Variants in TFCP2 observed in about 807,000 individuals in gnomAD.
TFCP2 encodes the protein alpha-globin transcription factor CP2.
TFCP2 carries 33 observed loss-of-function variants against 73.4 expected under a neutral mutation model. That is an observed-to-expected ratio of 0.45 (90% CI 0.34 to 0.60). The LOEUF is 0.60. TFCP2 is among the 20% of genes least tolerant of loss of function. The pLI, the probability that TFCP2 is intolerant of heterozygous loss-of-function variation, is 0.01. For synonymous variants in TFCP2, 193 were observed against 211.6 expected, an observed-to-expected ratio of 0.91 and a Z score of 0.76; for missense variants, 352 against 604.0, an observed-to-expected ratio of 0.58 and a Z score of 4.37.
intron 6 of TFCP2, among the ~76,000 whole-genome samples, chr12:51,107,943 A>C (rs1940293795): frequency 6.6e-6 from 1 of 151,638 alleles, no homozygotes; most frequent in Admixed American, 6.6e-5. Flanking sequence ...TTATGTGTCA[A>C]AGAAAATATG....
chr12:51,117,520 A>G, intron 3 of TFCP2, 151 bp downstream of exon 3: 2 of 619,586 alleles, frequency 3.2e-6, no homozygotes, highest in Non-Finnish European at 5.6e-6. Context: ...GAAATAACAC[A>G]TCAGCTTACT....
chr12:51,164,862 A>G (rs1941721265), intron 1 of TFCP2, among the ~76,000 whole-genome samples: 1 of 152,194 alleles, frequency 6.6e-6, no homozygotes, highest in Non-Finnish European at 1.5e-5. Context: ...AACCTATAAT[A>G]AGAGATTGAA....
At chr12:51,095,866 A>C (rs376486405) in intron 14 of TFCP2, 123 bp downstream of exon 14, 1 of 584,974 alleles carries the variant, frequency 1.7e-6, no homozygotes, top group South Asian at 3.1e-5. Context: ...AATCTCTAAT[A>C]TTGTCACTTT....
At chr12:51,143,491 A>T (rs1040472967) in intron 1 of TFCP2, among the ~76,000 whole-genome samples, 17 of 151,804 alleles carry the variant, frequency 1.1e-4, no homozygotes, top group African/African-American at 4.1e-4. Context: ...ATAGAAATTT[A>T]GAGGACAGGC....
intron 1 of TFCP2, among the ~76,000 whole-genome samples, chr12:51,157,681 C>CTTTTTTTTTT (rs770963610): frequency 1.8e-4 from 14 of 77,286 alleles, no homozygotes; most frequent in Non-Finnish European, 2.9e-4. Flanking sequence ...TTTTTCTTTT[C>CTTTTTTTTTT]TTTTCTTTTT....
At chr12:51,151,423 A>G (rs182652307) in intron 1 of TFCP2, among the ~76,000 whole-genome samples, 4 of 152,242 alleles carry the variant, frequency 2.6e-5, no homozygotes, top group East Asian at 3.9e-4. Context: ...GACAGTATTA[A>G]TAAGACCTAA....
chr12:51,103,821 G>A, intron 9 of TFCP2, 58 bp from the exon 10 acceptor site: 1 of 1,388,300 alleles, frequency 7.2e-7, no homozygotes, highest in East Asian at 2.3e-5. Context: ...TACCCCATTA[G>A]GTAACACATA....
At chr12:51,171,729 C>A (rs886289043) in intron 1 of TFCP2, among the ~76,000 whole-genome samples, 1 of 152,182 alleles carries the variant, frequency 6.6e-6, no homozygotes, top group Non-Finnish European at 1.5e-5. Context: ...CATAAAGATC[C>A]AGAAGCATCT....
intron 1 of TFCP2, among the ~76,000 whole-genome samples, chr12:51,168,180 G>A (rs1315139598): frequency 6.6e-6 from 1 of 152,116 alleles, no homozygotes; most frequent in Non-Finnish European, 1.5e-5. Context: ...AGAACTGTTT[G>A]AGCCCAGGAG....
chr12:51,107,387 CT>C, intron 6 of TFCP2, 41 bp from the exon 7 acceptor site: 1 of 1,531,684 alleles, frequency 6.5e-7, no homozygotes, highest in Admixed American at 1.9e-5. Context: ...AGGTACTCAC[CT>C]TTTAACCCAA....
chr12:51,149,520 G>T (rs1941376357), intron 1 of TFCP2, among the ~76,000 whole-genome samples: 1 of 152,130 alleles, frequency 6.6e-6, no homozygotes, highest in African/African-American at 2.4e-5. Flanking sequence ...GAAAATTTAT[G>T]AACTTACAGT....
chr12:51,106,253 A>C (rs904734352), intron 8 of TFCP2, among the ~76,000 whole-genome samples: 1 of 152,212 alleles, frequency 6.6e-6, no homozygotes, highest in Non-Finnish European at 1.5e-5. Context: ...TCAGTCCCTG[A>C]ACCACTAAAA....
At chr12:51,120,463 T>C (rs1940640096) in intron 1 of TFCP2, among the ~76,000 whole-genome samples, 1 of 152,114 alleles carries the variant, frequency 6.6e-6, no homozygotes, top group African/African-American at 2.4e-5. Flanking sequence ...GGGCAGGGGA[T>C]GACTTGGAAG....
chr12:51,126,652 GAAA>G (rs1220350121), intron 1 of TFCP2, among the ~76,000 whole-genome samples: 1 of 152,128 alleles, frequency 6.6e-6, no homozygotes, highest in African/African-American at 2.4e-5. Flanking sequence ...AAGGAACTTA[GAAA>G]CTAACTTGGG....
chr12:51,153,303 G>C (rs1460736031), intron 1 of TFCP2, among the ~76,000 whole-genome samples: 1 of 152,164 alleles, frequency 6.6e-6, no homozygotes, highest in African/African-American at 2.4e-5. Flanking sequence ...TTGGGCCCAG[G>C]AGTTTGAGGT....
At chr12:51,166,730 G>A (rs1005141459) in intron 1 of TFCP2, among the ~76,000 whole-genome samples, 4 of 152,002 alleles carry the variant, frequency 2.6e-5, no homozygotes, top group Non-Finnish European at 4.4e-5. Flanking sequence ...ACCACCCTGC[G>A]TCCTACCCCA....
Position 51,110,090 on chromosome 12 carries a change from A to T in TFCP2, c.564+787T>A, listed in dbSNP as rs777355347. ...GATTATAGCTGAAAGTCTTAAAATC[A>T]TATATATAAAGTGTTTACTTAACAT... is the stretch of plus-strand genomic sequence containing the variant. On this transcript the variant is annotated intron_variant, in intron 5 of 14. Coordinates refer to ENST00000257915, the MANE Select transcript of TFCP2 (RefSeq NM_005653.5). Among the ~76,000 whole-genome samples, 11 of 152,190 alleles carry T rather than the reference A, an allele frequency of 7.2e-5. No homozygotes were observed. The South Asian group carries it at 2.3e-3, about 32-fold the overall frequency.
intron 1 of TFCP2, among the ~76,000 whole-genome samples, chr12:51,154,459 C>T (rs899807733): frequency 1.3e-5 from 2 of 152,140 alleles, no homozygotes; most frequent in South Asian, 2.1e-4. Flanking sequence ...TTTGGGAGGC[C>T]GAGGCGGGTG....
At chr12:51,098,448 A>G (rs1940022025) in intron 13 of TFCP2, among the ~76,000 whole-genome samples, 2 of 145,962 alleles carry the variant, frequency 1.4e-5, no homozygotes, top group South Asian at 4.4e-4. Context: ...CAACATGGCA[A>G]AACCCCATCT....
Sources: allele counts gnomAD v4.1 joint callset (sites outside exome capture counted in the v4.1 genomes callset), GRCh38; gene constraint gnomAD v4.1.1; transcripts MANE v1.5; gene names NCBI Gene and HGNC (gene_info 2026-07-23, HGNC 2026-07-21).